Variants in ASAP2 observed in about 807,000 individuals in gnomAD.
The protein encoded by ASAP2 is ArfGAP with SH3 domain, ankyrin repeat and PH domain 2.
Under a neutral mutation model 131.4 loss-of-function variants are expected in ASAP2, and 45 were observed. That is an observed-to-expected ratio of 0.34 (90% CI 0.27 to 0.44). The LOEUF (loss-of-function observed/expected upper bound fraction) is 0.44. Among genes scored for constraint, ASAP2 ranks in the 20% least tolerant of loss-of-function variants. The pLI, the probability that ASAP2 is intolerant of heterozygous loss-of-function variation, is 1.00. For synonymous variants in ASAP2, 510 were observed against 503.0 expected (o/e 1.01, Z -0.19); for missense variants, 1,011 against 1,297.0 (o/e 0.78, Z 3.39).
At position 9,376,945 on chromosome 2, in the gene ASAP2, C is replaced by T. The variant is rs1429288882; in HGVS notation, c.1784C>T (p.Ser595Phe). 2 of 1,614,056 alleles carry T rather than the reference C, an allele frequency of 1.2e-6. No homozygotes were observed. Among genetic ancestry groups the T allele is most frequent in the Non-Finnish European group, 8.5e-7 (1 of 1,180,038 alleles). Residue 595 changes from serine (S) to phenylalanine (F), a missense_variant, in exon 18 of 28, where the codon TCC (serine) becomes TTC (phenylalanine). By Grantham distance (155) the Ser-to-Phe change is radical. Around this residue, in one of 2 missense-constraint regions of ASAP2, gnomAD observed 652 missense variants for 698.9 expected, o/e 0.93. Coordinates refer to ENST00000281419, the MANE Select transcript of ASAP2 (RefSeq NM_003887.3). ...DETALHLAVR[S>F]VDRTSLHIVD... is the part of the protein sequence containing the mutation. ...ACGGCCCTCCACCTTGCAGTCAGAT[C>T]CGTGGATCGAACCTCTCTTCACATT...
chr2:9,296,221 A>G (rs932255460), intron 2 of ASAP2, among the ~76,000 whole-genome samples: 2 of 152,228 alleles, frequency 1.3e-5, no homozygotes, highest in Admixed American at 6.5e-5. Flanking sequence ...CCATGCAGAT[A>G]GAAGTTGTTT....
At chr2:9,269,652 CGGA>C (rs1666203879) in intron 1 of ASAP2, among the ~76,000 whole-genome samples, 1 of 152,184 alleles carries the variant, frequency 6.6e-6, no homozygotes, top group African/African-American at 2.4e-5. Flanking sequence ...GGCCCATGAA[CGGA>C]GGAAGAGAAG....
Position 9,368,535 on chromosome 2 carries a change from G to A in ASAP2, c.1556+16G>A, listed in dbSNP as rs1447530337. 1 of 1,609,132 alleles carries A rather than the reference G, an allele frequency of 6.2e-7. No individual in the cohort carries two copies. Among genetic ancestry groups the A allele is most frequent in the African/African-American group, 1.3e-5 (1 of 74,798 alleles). On this transcript the variant is annotated intron_variant, in intron 16 of 27. Coordinates refer to ENST00000281419, the MANE Select transcript of ASAP2 (RefSeq NM_003887.3). ...GCAGCGACATGTAAGTATGGGACTG[G>A]CTATTCTCATTTGCTGAGTAAAGGT...
intron 1 of ASAP2, among the ~76,000 whole-genome samples, chr2:9,269,253 G>A (rs993246406): frequency 2.0e-5 from 3 of 149,156 alleles, no homozygotes; most frequent in Non-Finnish European, 3.0e-5. Flanking sequence ...ATTATTTTGC[G>A]GGGGGGAGGG....
At chr2:9,360,820 A>G (rs1470293373) in intron 15 of ASAP2, among the ~76,000 whole-genome samples, 1 of 152,214 alleles carries the variant, frequency 6.6e-6, no homozygotes. Context: ...TTTATATAGC[A>G]TAATTTTTAA....
At chr2:9,331,960 C>A (rs10194649) in intron 7 of ASAP2, among the ~76,000 whole-genome samples, 2,678 of 152,080 alleles carry the variant, frequency 0.018, 85 homozygotes, top group African/African-American at 0.061. Flanking sequence ...CACAGACAGA[C>A]CCCATCAGCA....
chr2:9,379,328 C>T (rs183551742), intron 19 of ASAP2, among the ~76,000 whole-genome samples: 5 of 152,332 alleles, frequency 3.3e-5, no homozygotes, highest in African/African-American at 4.8e-5. Context: ...GCAGCTCTCA[C>T]GGATGCCAGG....
At chr2:9,319,660 A>G (rs1037079473) in intron 4 of ASAP2, among the ~76,000 whole-genome samples, 1 of 152,248 alleles carries the variant, frequency 6.6e-6, no homozygotes, top group Non-Finnish European at 1.5e-5. Context: ...AAAGTAGTCA[A>G]CAGCAACAAC....
At position 9,268,486 on chromosome 2, in the gene ASAP2, G is replaced by C. The variant is rs553835016; in HGVS notation, c.127-10831G>C. 2.0e-5 allele frequency among the ~76,000 whole-genome samples: 3 copies of C among 152,328 alleles called. No homozygotes were observed. Among genetic ancestry groups the C allele is most frequent in the South Asian group, 2.1e-4 (1 of 4,822 alleles). On this transcript the variant is annotated intron_variant, in intron 1 of 27. Coordinates refer to ENST00000281419, the MANE Select transcript of ASAP2 (RefSeq NM_003887.3). The surrounding 1 kb of genome is among the most constrained non-coding windows in gnomAD (Gnocchi z 4.1). ...TCAGGCCTGGCTTTATTCCCACAAGGGGGGAGGTTCGTTATTGCTCTGGCT... is the reference window on the plus strand; with the variant it reads ...TCAGGCCTGGCTTTATTCCCACAAGCGGGGAGGTTCGTTATTGCTCTGGCT...
At chr2:9,318,499 A>G (rs896701199) in intron 3 of ASAP2, 25 bp from the exon 4 acceptor site, 6 of 1,551,742 alleles carry the variant, frequency 3.9e-6, no homozygotes, top group Admixed American at 3.3e-5. Flanking sequence ...CTGAATAAGA[A>G]TCTCCTTTTG....
intron 9 of ASAP2, among the ~76,000 whole-genome samples, chr2:9,342,933 G>A (rs1671686001): frequency 6.6e-6 from 1 of 152,180 alleles, no homozygotes; most frequent in South Asian, 2.1e-4. Flanking sequence ...TTTAAAACTC[G>A]CTTTTTCCTG....
chr2:9,337,391 A>G (rs984420896), intron 9 of ASAP2, among the ~76,000 whole-genome samples: 1 of 152,228 alleles, frequency 6.6e-6, no homozygotes, highest in Non-Finnish European at 1.5e-5. Flanking sequence ...TGGGGGTTCC[A>G]TCTTGTATAC....
chr2:9,344,990 GTT>G lies in ASAP2; in HGVS notation c.1023+202_1023+203del, dbSNP rs34867294. ...TTTGGTGCACCTGCAGCCTGTTTAT[GTT>G]TTTTTTTTTTTAATTTTAATTTTAA... is the stretch of plus-strand genomic sequence containing the variant. On this transcript the variant is annotated intron_variant, in intron 11 of 27. Transcript: ENST00000281419. Among the ~76,000 whole-genome samples the G allele has an allele frequency of 6.0e-3, 877 of 146,428 alleles. 11 individuals are homozygous for G. The highest frequency in any genetic ancestry group is 0.019 in the African/African-American group (755 of 40,058).
chr2:9,260,921 C>T (rs1289277216), intron 1 of ASAP2, among the ~76,000 whole-genome samples: 6 of 152,176 alleles, frequency 3.9e-5, no homozygotes, highest in South Asian at 2.1e-4. Context: ...GATTCTGAAA[C>T]AAGGAATTGG....
intron 1 of ASAP2, among the ~76,000 whole-genome samples, chr2:9,246,747 T>C (rs1448264729): frequency 6.6e-6 from 1 of 152,236 alleles, no homozygotes; most frequent in East Asian, 1.9e-4. Flanking sequence ...CTAAATGGTT[T>C]AATCCATTGT....
At position 9,286,447 on chromosome 2, in the gene ASAP2, A is replaced by AAAAATATATATATAT. The variant is rs58605449; in HGVS notation, c.199+7059_199+7060insAAATATATATATATA. On this transcript the variant is annotated intron_variant, in intron 2 of 27. Transcript: ENST00000281419. The stretch of plus-strand genomic sequence containing the variant: ...TTTTTTTTAAAAAAGGAAAAAAAAA[A>AAAAATATATATATAT]ATATATATATATATACTGTATCTGA... Among the ~76,000 whole-genome samples the AAAAATATATATATAT allele has an allele frequency of 1.5e-4, 22 of 148,486 alleles. No homozygotes were observed. The East Asian group carries it at 1.8e-3, about 12-fold the overall frequency.
rs116836658 is a variant in ASAP2, at chr2:9,216,756, C to T, written c.126+9526C>T. ...GATTGCAAGTGTGAGCCACCATGCC[C>T]GGTCCCTGATTAATTTTTGTATTTT... is the stretch of plus-strand genomic sequence containing the variant. On this transcript the variant is annotated intron_variant, in intron 1 of 27. Coordinates refer to ENST00000281419, the MANE Select transcript of ASAP2 (RefSeq NM_003887.3). 6.0e-3 allele frequency among the ~76,000 whole-genome samples: 919 copies of T among 152,018 alleles called. 9 individuals carry two copies. Among genetic ancestry groups the T allele is most frequent in the African/African-American group, 0.021 (872 of 41,438 alleles).
At chr2:9,383,020 T>C (rs1324712006) in intron 20 of ASAP2, among the ~76,000 whole-genome samples, 1 of 151,736 alleles carries the variant, frequency 6.6e-6, no homozygotes, top group Non-Finnish European at 1.5e-5. Context: ...GCAAGAGGGC[T>C]AGGAAATGGG....
intron 3 of ASAP2, among the ~76,000 whole-genome samples, chr2:9,302,320 G>A (rs1200195130): frequency 1.3e-4 from 20 of 151,540 alleles, no homozygotes; most frequent in African/African-American, 4.6e-4. Context: ...CTACAGGCAC[G>A]TGCCACCATG....
Sources: gnomAD v4.1 joint callset for allele counts (sites outside exome capture counted in the v4.1 genomes callset) on GRCh38, gnomAD v4.1.1 for gene constraint, gnomAD v4.1.1 regional missense constraint, Gnocchi (gnomAD v3.1) non-coding constraint, MANE v1.5 for transcripts, NCBI Gene and HGNC (gene_info 2026-07-23, HGNC 2026-07-21) for gene names.